Variants in RHPN2 observed in about 807,000 individuals in gnomAD.
RHPN2 encodes rhophilin Rho GTPase binding protein 2, also known as rhophilin-2.
RHPN2 carries 40 observed loss-of-function variants against 79.0 expected under a neutral mutation model. The observed-to-expected ratio is 0.51, with a 90% CI of 0.39 to 0.66. The LOEUF (loss-of-function observed/expected upper bound fraction) is 0.66. Among genes scored for constraint, RHPN2 ranks in the 30% least tolerant of loss-of-function variants. RHPN2 has a pLI of 0.00. For synonymous variants in RHPN2, 285 were observed against 363.5 expected (o/e 0.78, Z 2.46); for missense variants, 686 against 883.5 (o/e 0.78, Z 2.83).
At chr19:32,997,486 AG>A (rs1309031731) in intron 10 of RHPN2, among the ~76,000 whole-genome samples, 4 of 61,340 alleles carry the variant, frequency 6.5e-5, no homozygotes, top group African/African-American at 4.6e-4. Flanking sequence ...TGACAGAGAA[AG>A]GCTTTTTTTT....
intron 12 of RHPN2, among the ~76,000 whole-genome samples, chr19:32,993,263 CCA>C (rs1437972016): frequency 6.6e-6 from 1 of 152,074 alleles, no homozygotes; most frequent in Non-Finnish European, 1.5e-5. Flanking sequence ...TCACTGGAGC[CCA>C]GGAGTTCAAG....
intron 1 of RHPN2, among the ~76,000 whole-genome samples, chr19:33,048,696 AGCCTGGGTGACACAG>A (rs1972161833): frequency 1.5e-5 from 2 of 136,244 alleles, no homozygotes; most frequent in African/African-American, 5.7e-5. Flanking sequence ...ACTGCACTCC[AGCCTGGGTGACACAG>A]CGAGACTCAG....
intron 3 of RHPN2, among the ~76,000 whole-genome samples, chr19:33,025,879 C>T (rs116041475): frequency 5.3e-5 from 8 of 151,926 alleles, no homozygotes; most frequent in African/African-American, 1.9e-4. Context: ...TGTGACTACG[C>T]GGAATTACTG....
At chr19:33,052,425 CAG>C (rs1972196518) in intron 1 of RHPN2, among the ~76,000 whole-genome samples, 2 of 152,196 alleles carry the variant, frequency 1.3e-5, no homozygotes, top group Admixed American at 1.3e-4. Flanking sequence ...AGCTCCCAGC[CAG>C]AGAGACCTTC....
chr19:33,056,396 G>A (rs1301879763), intron 1 of RHPN2, among the ~76,000 whole-genome samples: 1 of 152,080 alleles, frequency 6.6e-6, no homozygotes, highest in Non-Finnish European at 1.5e-5. Context: ...ACAGGCATGA[G>A]CCACCACCCC....
chr19:32,992,322 C>A (rs1446859137), intron 12 of RHPN2, among the ~76,000 whole-genome samples: 1 of 151,838 alleles, frequency 6.6e-6, no homozygotes, highest in Non-Finnish European at 1.5e-5. Flanking sequence ...TCCTGAGTAG[C>A]TGGAATTACA....
At chr19:33,002,730 T>A in intron 8 of RHPN2, 83 bp downstream of exon 8, 1 of 1,493,372 alleles carries the variant, frequency 6.7e-7, no homozygotes, top group East Asian at 2.3e-5. Flanking sequence ...CAAGCTCCCA[T>A]GGGAAGGCCC....
chr19:33,032,393 A>T (rs921299956), intron 2 of RHPN2, among the ~76,000 whole-genome samples: 5 of 152,128 alleles, frequency 3.3e-5, no homozygotes, highest in African/African-American at 9.7e-5. Context: ...CTCGATCTCC[A>T]GCCTCTCTCC....
chr19:33,037,807 C>T (rs374148309), intron 2 of RHPN2, among the ~76,000 whole-genome samples: 1 of 152,178 alleles, frequency 6.6e-6, no homozygotes, highest in Admixed American at 6.6e-5. Flanking sequence ...GAGGGTCCGT[C>T]GCTTCATTCT....
intron 1 of RHPN2, among the ~76,000 whole-genome samples, chr19:33,058,989 G>C (rs1972256923): frequency 6.6e-6 from 1 of 152,062 alleles, no homozygotes; most frequent in African/African-American, 2.4e-5. Flanking sequence ...CAGCCACTCA[G>C]GTGGCTGAGG....
chr19:33,038,103 C>T (rs1172346827), intron 2 of RHPN2, among the ~76,000 whole-genome samples: 1 of 152,026 alleles, frequency 6.6e-6, no homozygotes, highest in Non-Finnish European at 1.5e-5. Context: ...GTAATCCCAG[C>T]ACTTTTGGAG....
chr19:33,005,935 C>T (rs952344158), intron 7 of RHPN2, among the ~76,000 whole-genome samples: 3 of 151,950 alleles, frequency 2.0e-5, no homozygotes, highest in Non-Finnish European at 4.4e-5. Context: ...GCTCTGTCGC[C>T]CAAGCTGGAG....
In RHPN2 at chr19:32,979,790, C is replaced by G. The variant is rs1971558413; in HGVS notation, c.*206G>C. ...TAAATAACTTACAGCAGTATAGTAA[C>G]ACACCTCAAAAAAGTTCTTTTTTCA... On this transcript the variant is annotated 3_prime_UTR_variant, in exon 15 of 15. Coordinates refer to ENST00000254260, the MANE Select transcript of RHPN2 (RefSeq NM_033103.5). 1.6e-6 allele frequency: 1 copy of G among 606,422 alleles called. No homozygotes were observed. Among genetic ancestry groups the G allele is most frequent in the Admixed American group, 3.0e-5 (1 of 33,466 alleles). 37.6% of individuals were successfully genotyped at this position (606,422 alleles called of 1,614,324 possible). A position where few individuals can be genotyped will look rare whatever the true frequency, so the allele number is the denominator to read the frequency against.
At chr19:32,984,665 AAAAG>A (rs1454567505) in intron 14 of RHPN2, among the ~76,000 whole-genome samples, 2 of 152,222 alleles carry the variant, frequency 1.3e-5, no homozygotes, top group Admixed American at 6.5e-5. Context: ...TCTCCAAAAA[AAAAG>A]AGCCAGGTAC....
At chr19:32,996,998 T>A (rs1382419097) in intron 10 of RHPN2, among the ~76,000 whole-genome samples, 2 of 152,178 alleles carry the variant, frequency 1.3e-5, no homozygotes, top group Non-Finnish European at 2.9e-5. Flanking sequence ...TGGGCTGAAC[T>A]GAACCTCCCT....
chr19:32,991,671 A>C, intron 13 of RHPN2, 152 bp downstream of exon 13: 1 of 939,494 alleles, frequency 1.1e-6, no homozygotes, highest in Non-Finnish European at 1.6e-6. Flanking sequence ...AAACAAAAGA[A>C]AGACAGTAAA....
chr19:32,990,538 G>T lies in RHPN2; in HGVS notation c.1776C>A (p.Ser592Arg), dbSNP rs1407794927. 10 of 1,613,692 alleles carry T rather than the reference G, an allele frequency of 6.2e-6. No individual in the cohort carries two copies. Among genetic ancestry groups the T allele is most frequent in the African/African-American group, 1.3e-5 (1 of 74,870 alleles). Residue 592 changes from serine (S) to arginine (R), a missense_variant, in exon 14 of 15, where the codon AGC (serine) becomes AGA (arginine). Ser to Arg is a moderately radical substitution (Grantham distance 110, BLOSUM62 -1). Transcript: ENST00000254260. ...CCATGGATGATGTGGAGTCCAGGAG[G>T]CTCACGACTTTCATCTCGATCTCGT... ...GEDEIEMKVV[S>R]LLDSTSSMHN... is the part of the protein sequence containing the mutation.
At chr19:33,031,488 G>A (rs1330059220) in intron 2 of RHPN2, among the ~76,000 whole-genome samples, 2 of 151,866 alleles carry the variant, frequency 1.3e-5, no homozygotes, top group Non-Finnish European at 2.9e-5. Flanking sequence ...CAAGCAATCC[G>A]CCTGCCTCAG....
chr19:32,981,490 T>C lies in RHPN2; in HGVS notation c.1801-1234A>G, dbSNP rs560119871. 7.7e-3 allele frequency among the ~76,000 whole-genome samples: 603 copies of C among 78,406 alleles called. 9 individuals are homozygous for C. Among genetic ancestry groups the C allele is most frequent in the Admixed American group, 0.015 (101 of 6,564 alleles). The allele number at this position is 78,406 out of a possible 152,430, so 51.4% of individuals were successfully genotyped here. A position where few individuals can be genotyped will look rare whatever the true frequency, so the allele number is the denominator to read the frequency against. On this transcript the variant is annotated intron_variant, in intron 14 of 14. Transcript: ENST00000254260. ...AAGGAAAGGGAAGAGGAGAAGGGAA[T>C]GGAAGAGGGCAAGGGAAGGGAAAAA...
Sources: allele counts gnomAD v4.1 joint callset (sites outside exome capture counted in the v4.1 genomes callset), GRCh38; gene constraint gnomAD v4.1.1; transcripts MANE v1.5; gene names NCBI Gene and HGNC (gene_info 2026-07-23, HGNC 2026-07-21).